Variants in LRMDA observed in about 807,000 individuals in gnomAD.
The protein encoded by LRMDA is leucine-rich melanocyte differentiation-associated protein.
In LRMDA, 18 loss-of-function variants were observed where a neutral mutation model predicts 29.8. The ratio of observed to expected loss-of-function variants is 0.60; its 90% confidence interval spans 0.42 to 0.90. LRMDA has a LOEUF of 0.90. Ranked by LOEUF, LRMDA falls within the 40% of genes least tolerant of loss-of-function variation. The probability of loss-of-function intolerance (pLI) is 0.00; values close to 1 mark genes in which losing one functional copy is unlikely to be tolerated. For synonymous variants in LRMDA, 125 were observed against 109.4 expected (o/e 1.14, Z -0.89); for missense variants, 273 against 273.9 (o/e 1.00, Z 0.02).
intron 2 of LRMDA, among the ~76,000 whole-genome samples, chr10:75,497,896 A>G (rs1845065656): frequency 6.6e-6 from 1 of 152,166 alleles, no homozygotes; most frequent in South Asian, 2.1e-4. Context: ...TTGTATATAT[A>G]TATTTTCACT....
intron 5 of LRMDA, among the ~76,000 whole-genome samples, chr10:76,287,340 T>A (rs1324423433): frequency 6.6e-6 from 1 of 152,138 alleles, no homozygotes; most frequent in South Asian, 2.1e-4. Flanking sequence ...CTTATAGGAA[T>A]TCCTGCCCAG....
intron 2 of LRMDA, among the ~76,000 whole-genome samples, chr10:75,655,063 T>G (rs1841650710): frequency 6.6e-6 from 1 of 152,266 alleles, no homozygotes; most frequent in African/African-American, 2.4e-5. Flanking sequence ...TATGTGTGTT[T>G]GTTATCATGA....
intron 2 of LRMDA, among the ~76,000 whole-genome samples, chr10:75,459,412 G>C (rs1477462223): frequency 6.6e-6 from 1 of 152,152 alleles, no homozygotes; most frequent in African/African-American, 2.4e-5. Flanking sequence ...CATCATGAAA[G>C]GGAGGCCTCA....
intron 5 of LRMDA, among the ~76,000 whole-genome samples, chr10:76,235,419 T>A (rs1049696153): frequency 6.6e-6 from 1 of 152,080 alleles, no homozygotes; most frequent in Admixed American, 6.6e-5. Flanking sequence ...AAGCACATGC[T>A]GTGGGAAAAA....
intron 2 of LRMDA, among the ~76,000 whole-genome samples, chr10:75,994,425 A>G (rs1486286937): frequency 6.6e-6 from 1 of 152,174 alleles, no homozygotes; most frequent in Non-Finnish European, 1.5e-5. Flanking sequence ...CATGCTCTGA[A>G]CATGATCACT....
At chr10:76,330,275 C>G (rs995226145) in intron 6 of LRMDA, among the ~76,000 whole-genome samples, 5 of 151,860 alleles carry the variant, frequency 3.3e-5, no homozygotes, top group Admixed American at 3.3e-4. Context: ...GATGGGGGGG[C>G]CTTTAGAAAT....
chr10:76,218,392 G>T (rs964135462), intron 5 of LRMDA, among the ~76,000 whole-genome samples: 1 of 152,208 alleles, frequency 6.6e-6, no homozygotes, highest in Admixed American at 6.5e-5. Flanking sequence ...AATAAAAACA[G>T]CTTGTGGTGT....
chr10:76,012,127 C>G (rs979205328), intron 2 of LRMDA, among the ~76,000 whole-genome samples: 1 of 152,202 alleles, frequency 6.6e-6, no homozygotes. Flanking sequence ...AAAGCTGGTT[C>G]CTGGAGCGCA....
chr10:76,339,911 G>C (rs1405667973), intron 6 of LRMDA, among the ~76,000 whole-genome samples: 18 of 151,634 alleles, frequency 1.2e-4, no homozygotes, highest in Non-Finnish European at 1.3e-4. Context: ...ATTTATTCCA[G>C]AAAATAAAAA....
At chr10:75,708,568 G>T (rs1396536322) in intron 2 of LRMDA, among the ~76,000 whole-genome samples, 1 of 152,076 alleles carries the variant, frequency 6.6e-6, no homozygotes, top group Non-Finnish European at 1.5e-5. Flanking sequence ...GGGATTTGCA[G>T]TTTAGGCTCT....
chr10:75,979,582 C>T (rs1036926289), intron 2 of LRMDA, among the ~76,000 whole-genome samples: 2 of 152,148 alleles, frequency 1.3e-5, no homozygotes, highest in Non-Finnish European at 2.9e-5. Flanking sequence ...CCCAACATCC[C>T]GTGGGGACCA....
chr10:75,720,617 C>T (rs1842555105), intron 2 of LRMDA, among the ~76,000 whole-genome samples: 1 of 152,204 alleles, frequency 6.6e-6, no homozygotes, highest in African/African-American at 2.4e-5. Flanking sequence ...TGAACATCAG[C>T]ACTTAGACCA....
chr10:75,856,275 C>T (rs534535906), intron 2 of LRMDA, among the ~76,000 whole-genome samples: 70 of 152,240 alleles, frequency 4.6e-4, no homozygotes, highest in African/African-American at 1.6e-3. Flanking sequence ...TGAAGAGGTC[C>T]TTCATGTCCG....
At chr10:75,714,887 C>T (rs1842481722) in intron 2 of LRMDA, among the ~76,000 whole-genome samples, 1 of 129,554 alleles carries the variant, frequency 7.7e-6, no homozygotes, top group South Asian at 2.8e-4. Context: ...TCCTTCTTTC[C>T]TTCCTTCCTT....
intron 2 of LRMDA, among the ~76,000 whole-genome samples, chr10:76,005,157 C>T (rs1847628270): frequency 6.6e-6 from 1 of 152,164 alleles, no homozygotes; most frequent in Non-Finnish European, 1.5e-5. Flanking sequence ...TTCTCTGTCT[C>T]TCTTTTTCTT....
At chr10:75,663,331 A>G (rs1344098552) in intron 2 of LRMDA, among the ~76,000 whole-genome samples, 2 of 152,168 alleles carry the variant, frequency 1.3e-5, no homozygotes, top group Non-Finnish European at 2.9e-5. Context: ...TCCTATAGGA[A>G]GTATATGGAA....
intron 6 of LRMDA, among the ~76,000 whole-genome samples, chr10:76,356,895 G>A (rs1410058605): frequency 6.6e-6 from 1 of 152,180 alleles, no homozygotes; most frequent in East Asian, 1.9e-4. Context: ...CAGTGGGTGG[G>A]AGGGATATAA....
intron 4 of LRMDA, among the ~76,000 whole-genome samples, chr10:76,056,452 T>C (rs982925315): frequency 6.6e-6 from 1 of 152,186 alleles, no homozygotes; most frequent in African/African-American, 2.4e-5. Flanking sequence ...GTCTGCCTCC[T>C]GCTGCCAGCC....
At chr10:76,107,727 G>A (rs1849510229) in intron 5 of LRMDA, among the ~76,000 whole-genome samples, 1 of 152,158 alleles carries the variant, frequency 6.6e-6, no homozygotes, top group African/African-American at 2.4e-5. Flanking sequence ...CTCTGACCCT[G>A]TCCTTTAAAT....
Sources: allele counts gnomAD v4.1 joint callset (sites outside exome capture counted in the v4.1 genomes callset), GRCh38; gene constraint gnomAD v4.1.1; transcripts MANE v1.5; gene names NCBI Gene and HGNC (gene_info 2026-07-23, HGNC 2026-07-21).